SDK2: variants seen among roughly 807,000 people sequenced by gnomAD.
The protein encoded by SDK2 is protein sidekick-2.
SDK2 carries 105 observed loss-of-function variants against 253.9 expected under a neutral mutation model. The observed-to-expected ratio is 0.41, with a 90% CI of 0.35 to 0.49. The LOEUF (loss-of-function observed/expected upper bound fraction) is 0.49. Ranked by LOEUF, SDK2 falls within the 20% of genes least tolerant of loss-of-function variation. The pLI, the probability that SDK2 is intolerant of heterozygous loss-of-function variation, is 0.06. For synonymous variants in SDK2, 1,249 were observed against 1,234.9 expected (o/e 1.01, Z -0.24); for missense variants, 2,608 against 3,003.0 (o/e 0.87, Z 3.07).
intron 3 of SDK2, among the ~76,000 whole-genome samples, chr17:73,458,174 T>C (rs1015719357): frequency 1.3e-5 from 2 of 152,118 alleles, no homozygotes; most frequent in Admixed American, 1.3e-4. Context: ...CGAGGTCTTG[T>C]TATGTTGCCT....
At chr17:73,488,411 G>A (rs1319341613) in intron 2 of SDK2, among the ~76,000 whole-genome samples, 2 of 152,206 alleles carry the variant, frequency 1.3e-5, no homozygotes, top group African/African-American at 4.8e-5. Flanking sequence ...ATATATTAGA[G>A]AACGATATGA....
chr17:73,400,783 A>G (rs1160623845), intron 21 of SDK2, among the ~76,000 whole-genome samples: 1 of 151,774 alleles, frequency 6.6e-6, no homozygotes, highest in African/African-American at 2.4e-5. Context: ...CCTCCCAACT[A>G]ACTGGGATCA....
At chr17:73,366,496 C>T (rs1286120138) in intron 37 of SDK2, among the ~76,000 whole-genome samples, 1 of 152,176 alleles carries the variant, frequency 6.6e-6, no homozygotes, top group Non-Finnish European at 1.5e-5. Flanking sequence ...GGTGTGCCCT[C>T]TGCAGCTCTT....
chr17:73,384,033 T>C (rs1350519223), intron 32 of SDK2, 22 bp from the exon 33 acceptor site: 29 of 1,610,312 alleles, frequency 1.8e-5, no homozygotes, highest in Non-Finnish European at 2.4e-5. Flanking sequence ...GAGTAGGGCA[T>C]GGGGAGGGCA....
At chr17:73,594,301 C>A (rs528327433) in intron 1 of SDK2, among the ~76,000 whole-genome samples, 70 of 152,146 alleles carry the variant, frequency 4.6e-4, no homozygotes, top group Non-Finnish European at 8.7e-4. Flanking sequence ...TTCCCCCGGG[C>A]AGCAGCTGAG....
Position 73,568,312 on chromosome 17 carries a change from G to T in SDK2, c.65-60715C>A, listed in dbSNP as rs374233407. On this transcript the variant is annotated intron_variant, in intron 1 of 44. Coordinates refer to ENST00000392650, the MANE Select transcript of SDK2 (RefSeq NM_001144952.2). The stretch of plus-strand genomic sequence containing the variant: ...CCTCTTTTCTTTCTGCCAGTGAGTG[G>T]AAGCTTCTTGAGCCCCTCGCTAGAA... 5.3e-5 allele frequency among the ~76,000 whole-genome samples: 8 copies of T among 152,240 alleles called. No homozygotes were observed. The East Asian group carries it at 1.5e-3, about 29-fold the overall frequency.
intron 2 of SDK2, among the ~76,000 whole-genome samples, chr17:73,482,240 G>C (rs1464416796): frequency 6.6e-6 from 1 of 151,506 alleles, no homozygotes; most frequent in Admixed American, 6.6e-5. Flanking sequence ...ACATCACTGT[G>C]CTCTGGCCTG....
At chr17:73,602,762 T>C (rs2143068159) in intron 1 of SDK2, among the ~76,000 whole-genome samples, 1 of 152,184 alleles carries the variant, frequency 6.6e-6, no homozygotes, top group Admixed American at 6.5e-5. Flanking sequence ...AGTCTCACTG[T>C]GTCACTCAGG....
rs556598637 is a variant in SDK2 at position 73,426,959 on chromosome 17, C to T, written c.1584-2867G>A. Among the ~76,000 whole-genome samples the T allele has an allele frequency of 5.9e-3, 894 of 152,154 alleles. 3 individuals are homozygous for T. Among genetic ancestry groups the T allele is most frequent in the Middle Eastern group, 0.01 (3 of 294 alleles). ...AATTAGCCAGGCGTGGTGGCGGGAG[C>T]CTGTAGTCCCAGCTACTCGGGAGGC... On this transcript the variant is annotated intron_variant, in intron 12 of 44. Transcript: ENST00000392650.
At chr17:73,563,420 G>A (rs1369028952) in intron 1 of SDK2, among the ~76,000 whole-genome samples, 4 of 151,994 alleles carry the variant, frequency 2.6e-5, no homozygotes, top group Admixed American at 6.6e-5. Context: ...CAAAAAATAA[G>A]ATAAAAAATT....
chr17:73,348,638 G>A lies in SDK2; in HGVS notation c.6126C>T (p.Ser2042=). 1.9e-6 allele frequency: 3 copies of A among 1,613,134 alleles called. No homozygotes were observed. Among genetic ancestry groups the A allele is most frequent in the East Asian group, 4.5e-5 (2 of 44,878 alleles). The change falls in exon 44 of 45, where the codon AGC becomes AGT. Residue 2042 remains serine, a synonymous_variant. Transcript: ENST00000392650. ...TTTCTGAGGGCTTCTCCGTCAGGCT[G>A]CTGCTCTCTGCAGGGATGAGGTCGT... ...KYNDLIPAES[S]SLTEKPSEIS...
intron 38 of SDK2, among the ~76,000 whole-genome samples, chr17:73,364,429 T>C (rs2062667171): frequency 1.3e-5 from 2 of 151,694 alleles, no homozygotes; most frequent in African/African-American, 4.8e-5. Context: ...CAGTGGGGGG[T>C]GCAGGGACCT....
chr17:73,510,250 A>C (rs756657561), intron 1 of SDK2, among the ~76,000 whole-genome samples: 1 of 152,150 alleles, frequency 6.6e-6, no homozygotes, highest in Non-Finnish European at 1.5e-5. Flanking sequence ...TGTGGGGCCC[A>C]AGTCAGCTGG....
At chr17:73,628,613 C>T (rs1374264428) in intron 1 of SDK2, among the ~76,000 whole-genome samples, 1 of 152,202 alleles carries the variant, frequency 6.6e-6, no homozygotes, top group African/African-American at 2.4e-5. Flanking sequence ...GCTAAACTGA[C>T]CACCTGGGAC....
intron 42 of SDK2, 76 bp from the exon 43 acceptor site, chr17:73,350,451 G>T (rs2062527123): frequency 2.0e-6 from 3 of 1,534,992 alleles, no homozygotes; most frequent in African/African-American, 2.8e-5. Context: ...ACCTGGCTGG[G>T]TTATCCCCTC....
chr17:73,397,898 T>A, intron 24 of SDK2, 137 bp downstream of exon 24: 1 of 968,534 alleles, frequency 1.0e-6, no homozygotes, highest in Non-Finnish European at 1.5e-6. Flanking sequence ...TGGGCTAAGA[T>A]GTTGATTATC....
At chr17:73,614,830 C>T (rs1391800057) in intron 1 of SDK2, among the ~76,000 whole-genome samples, 2 of 36,920 alleles carry the variant, frequency 5.4e-5, no homozygotes, top group South Asian at 8.1e-4. Context: ...ATTGAAAAGG[C>T]GGAGGGAGGG....
At chr17:73,622,092 ATG>A (rs781417115) in intron 1 of SDK2, among the ~76,000 whole-genome samples, 3 of 152,210 alleles carry the variant, frequency 2.0e-5, no homozygotes, top group Non-Finnish European at 4.4e-5. Context: ...ACACCAATCC[ATG>A]TGTCCACTAG....
chr17:73,375,625 G>A (rs573438506), intron 36 of SDK2, among the ~76,000 whole-genome samples: 50 of 152,292 alleles, frequency 3.3e-4, no homozygotes, highest in African/African-American at 1.1e-3. Context: ...TTGGGAGACC[G>A]AGGGCGGATC....
Sources: allele counts gnomAD v4.1 joint callset (sites outside exome capture counted in the v4.1 genomes callset), GRCh38; gene constraint gnomAD v4.1.1; transcripts MANE v1.5; gene names NCBI Gene and HGNC (gene_info 2026-07-23, HGNC 2026-07-21).